Variants in LRP6 observed in about 807,000 individuals in gnomAD.
The protein encoded by LRP6 is LDL receptor related protein 6, also known as low-density lipoprotein receptor-related protein 6.
LRP6 carries 43 observed loss-of-function variants against 184.1 expected under a neutral mutation model. The observed-to-expected ratio is 0.23, with a 90% CI of 0.18 to 0.30. The LOEUF is 0.30. Among genes scored for constraint, LRP6 ranks in the 10% least tolerant of loss-of-function variants. The pLI, the probability that LRP6 is intolerant of heterozygous loss-of-function variation, is 1.00. For synonymous variants in LRP6, 719 were observed against 684.9 expected (o/e 1.05, Z -0.78); for missense variants, 1,571 against 2,005.3 (o/e 0.78, Z 4.14).
intron 3 of LRP6, among the ~76,000 whole-genome samples, chr12:12,195,472 T>C (rs930609788): frequency 2.0e-5 from 3 of 152,162 alleles, no homozygotes; most frequent in Admixed American, 6.6e-5. Context: ...TTTTTTCATA[T>C]GTTTGTGGCC....
intron 2 of LRP6, among the ~76,000 whole-genome samples, chr12:12,236,543 T>C (rs1436702585): frequency 6.6e-6 from 1 of 152,062 alleles, no homozygotes; most frequent in Non-Finnish European, 1.5e-5. Flanking sequence ...TACAAGCCAG[T>C]TCAATTCTGA....
intron 2 of LRP6, among the ~76,000 whole-genome samples, chr12:12,240,464 C>T (rs887919381): frequency 2.0e-5 from 3 of 151,884 alleles, no homozygotes; most frequent in East Asian, 1.9e-4. Context: ...CCCAGCTACT[C>T]GGGAGGCTGA....
chr12:12,255,027 T>G (rs932572395), intron 1 of LRP6, among the ~76,000 whole-genome samples: 1 of 152,210 alleles, frequency 6.6e-6, no homozygotes, highest in Middle Eastern at 3.2e-3. Context: ...AAATTACTAT[T>G]ATTGCTACAC....
At chr12:12,222,313 C>G (rs1284188761) in intron 2 of LRP6, among the ~76,000 whole-genome samples, 2 of 151,996 alleles carry the variant, frequency 1.3e-5, no homozygotes, top group East Asian at 3.9e-4. Flanking sequence ...CACCTGTAAT[C>G]CCAGCACTTT....
In LRP6 at chr12:12,124,578, G is replaced by A. The variant is rs1308593199; in HGVS notation, c.4534C>T (p.His1512Tyr). The change falls in exon 22 of 23, where the codon CAT becomes TAT. Residue 1512 changes from histidine (H) to tyrosine (Y), a missense_variant. Physicochemically the swap from His to Tyr is moderately conservative, Grantham distance 83. Coordinates refer to ENST00000261349, the MANE Select transcript of LRP6 (RefSeq NM_002336.3). ...GATGTGTATTACCTGTATGACCTAT[G>A]AGTGGAAGGACTGTTTGAAGAATAT... The part of the protein sequence containing the change: ...FGYSSNSPST[H>Y]RSYSYRPYSY... The A allele has an allele frequency of 6.2e-7, 1 of 1,608,136 alleles. No individual in the cohort carries two copies. Among genetic ancestry groups the A allele is most frequent in the Non-Finnish European group, 8.5e-7 (1 of 1,174,620 alleles).
At chr12:12,251,840 C>T (rs988680248) in intron 1 of LRP6, among the ~76,000 whole-genome samples, 1 of 152,152 alleles carries the variant, frequency 6.6e-6, no homozygotes, top group Non-Finnish European at 1.5e-5. Flanking sequence ...TAAGGTTCTT[C>T]ACCACTGCAT....
At chr12:12,165,572 G>A (rs896593225) in intron 7 of LRP6, among the ~76,000 whole-genome samples, 3 of 151,886 alleles carry the variant, frequency 2.0e-5, no homozygotes, top group Non-Finnish European at 2.9e-5. Context: ...AAACAATTGT[G>A]GCAAAATTAA....
chr12:12,143,710 A>G (rs902475755), intron 15 of LRP6, among the ~76,000 whole-genome samples: 6 of 152,196 alleles, frequency 3.9e-5, no homozygotes, highest in African/African-American at 1.4e-4. Context: ...GCCTCACACT[A>G]CACACCAAAA....
At chr12:12,245,739 A>G (rs1369662561) in intron 1 of LRP6, among the ~76,000 whole-genome samples, 2 of 152,178 alleles carry the variant, frequency 1.3e-5, no homozygotes, top group Non-Finnish European at 2.9e-5. Flanking sequence ...GAGAAAGTTG[A>G]AGCTGTTGGG....
intron 2 of LRP6, among the ~76,000 whole-genome samples, chr12:12,213,612 T>G (rs1029843069): frequency 3.3e-5 from 5 of 152,168 alleles, no homozygotes; most frequent in African/African-American, 1.2e-4. Context: ...CGTTTTCATT[T>G]GATGTTTAAG....
Position 12,117,992 on chromosome 12 carries a change from A to G in LRP6, c.*3134T>C, listed in dbSNP as rs1209040218. On this transcript the variant is annotated 3_prime_UTR_variant, in exon 23 of 23. Coordinates refer to ENST00000261349, the MANE Select transcript of LRP6 (RefSeq NM_002336.3). ...TTAAAGTCTTCATTTCTAAGTACCT[A>G]TCATCTCTGTAGAATAGGTGTTCTC... The G allele has an allele frequency of 6.6e-6, 1 of 152,202 alleles. No homozygotes were observed. The highest frequency in any genetic ancestry group is 1.9e-4 in the East Asian group (1 of 5,204). The allele number at this position is 152,202 out of a possible 1,614,324, so 9.4% of individuals were successfully genotyped here. A position where few individuals can be genotyped will look rare whatever the true frequency, so the allele number is the denominator to read the frequency against.
intron 3 of LRP6, among the ~76,000 whole-genome samples, chr12:12,188,948 AAAAT>A (rs1863545557): frequency 6.6e-6 from 1 of 152,218 alleles, no homozygotes; most frequent in African/African-American, 2.4e-5. Flanking sequence ...ACACAAATGA[AAAAT>A]AAAGAGTAGT....
intron 5 of LRP6, among the ~76,000 whole-genome samples, chr12:12,182,741 A>G (rs1863373583): frequency 6.6e-6 from 1 of 152,208 alleles, no homozygotes; most frequent in African/African-American, 2.4e-5. Context: ...ACTTTGTACA[A>G]TTCACTGCCC....
In LRP6 at chr12:12,236,914, AT is replaced by A. The variant is rs34993303; in HGVS notation, c.449+7347del. Among the ~76,000 whole-genome samples the A allele has an allele frequency of 5.6e-4, 84 of 150,230 alleles. No individual in the cohort carries two copies. In the Middle Eastern group the frequency reaches 0.01, roughly 18 times the overall value. On this transcript the variant is annotated intron_variant, in intron 2 of 22. Transcript: ENST00000261349. ...CTCTCCAAACCCCCATAATTCAGGG[AT>A]TTTTTTTTTGAGGCTTTTTATATAG...
chr12:12,155,444 G>T lies in LRP6; in HGVS notation c.2791+3385C>A, dbSNP rs1950139068. 22 of 957,564 alleles carry T rather than the reference G, an allele frequency of 2.3e-5. 1 individual carries two copies. In the East Asian group the frequency reaches 5.2e-4, roughly 23 times the overall value. The allele number at this position is 957,564 out of a possible 1,614,324, so 59.3% of individuals were successfully genotyped here. ...CCACAAGTGTTACCACTGCAAAACT[G>T]GAAGGGTCTACAATGTTACCCAGCA... On this transcript the variant is annotated intron_variant, in intron 12 of 22. Transcript: ENST00000261349.
At position 12,266,939 on chromosome 12, in the gene LRP6, G is replaced by C; in HGVS notation, c.-204C>G. ...CCGCGCCGCTCGGCCCCGGGCTCGC[G>C]CGACGCCAGCGTCTGCTTCCATCCC... On this transcript the variant is annotated 5_prime_UTR_variant, in exon 1 of 23. Coordinates refer to ENST00000261349, the MANE Select transcript of LRP6 (RefSeq NM_002336.3). The C allele has an allele frequency of 5.2e-6, 3 of 574,566 alleles. No homozygotes were observed. The highest frequency in any genetic ancestry group is 6.8e-5 in the Admixed American group (2 of 29,524). 35.6% of individuals were successfully genotyped at this position (574,566 alleles called of 1,614,324 possible).
intron 1 of LRP6, among the ~76,000 whole-genome samples, chr12:12,252,221 T>C (rs1266478715): frequency 6.6e-6 from 1 of 152,096 alleles, no homozygotes; most frequent in African/African-American, 2.4e-5. Context: ...TTTGGTTAAA[T>C]ATGTAGCCAA....
chr12:12,165,624 A>C (rs1862859427), intron 7 of LRP6, among the ~76,000 whole-genome samples: 1 of 152,180 alleles, frequency 6.6e-6, no homozygotes, highest in South Asian at 2.1e-4. Context: ...TTTGTTTTCA[A>C]ATTATAATGT....
chr12:12,195,640 A>C (rs910480919), intron 3 of LRP6, among the ~76,000 whole-genome samples: 1 of 152,082 alleles, frequency 6.6e-6, no homozygotes, highest in African/African-American at 2.4e-5. Context: ...CTCATTCTGT[A>C]GGTCGTCTTT....
Sources: gnomAD v4.1 joint callset for allele counts (sites outside exome capture counted in the v4.1 genomes callset) on GRCh38, gnomAD v4.1.1 for gene constraint, MANE v1.5 for transcripts, NCBI Gene and HGNC (gene_info 2026-07-23, HGNC 2026-07-21) for gene names.